SHROOM3: variants seen among roughly 807,000 people sequenced by gnomAD.
SHROOM3 encodes protein Shroom3.
A neutral mutation model predicts 138.6 loss-of-function variants in SHROOM3; 47 were observed. That is an observed-to-expected ratio of 0.34 (90% CI 0.27 to 0.43). The LOEUF (loss-of-function observed/expected upper bound fraction) is 0.43, where lower values mean the gene tolerates loss of function less well. Ranked by LOEUF, SHROOM3 falls within the 20% of genes least tolerant of loss-of-function variation. The pLI, the probability that SHROOM3 is intolerant of heterozygous loss-of-function variation, is 1.00. For missense variants in SHROOM3, 2,491 were observed against 2,596.5 expected (o/e 0.96, Z 0.88); for synonymous variants, 1,062 against 1,063.3 (o/e 1.00, Z 0.02).
At chr4:76,508,806 T>C (rs1194247959) in intron 1 of SHROOM3, among the ~76,000 whole-genome samples, 3 of 152,224 alleles carry the variant, frequency 2.0e-5, no homozygotes, top group Non-Finnish European at 4.4e-5. Flanking sequence ...ACCAAGTAAT[T>C]TGTAAACAGC....
chr4:76,721,019 A>G (rs187846781), intron 3 of SHROOM3, among the ~76,000 whole-genome samples: 74 of 152,066 alleles, frequency 4.9e-4, no homozygotes, highest in Admixed American at 4.5e-3. Flanking sequence ...TTGGAAGTGC[A>G]TTTACCCTTT....
At chr4:76,590,637 C>G (rs1041497752) in intron 2 of SHROOM3, among the ~76,000 whole-genome samples, 1 of 151,920 alleles carries the variant, frequency 6.6e-6, no homozygotes. Flanking sequence ...AGAAAAGCCC[C>G]CGCATCCTAC....
chr4:76,573,786 A>G (rs1733881611), intron 2 of SHROOM3, among the ~76,000 whole-genome samples: 1 of 152,192 alleles, frequency 6.6e-6, no homozygotes, highest in Admixed American at 6.5e-5. Context: ...TTAGCTTCAG[A>G]CAACTTAGCA....
chr4:76,709,811 C>G (rs1303727448), intron 2 of SHROOM3: 2 of 292,736 alleles, frequency 6.8e-6, no homozygotes, highest in East Asian at 1.9e-4. Context: ...CCAGTTTTTC[C>G]CTTATTACCA....
At chr4:76,713,486 G>A (rs6855102) in intron 3 of SHROOM3, among the ~76,000 whole-genome samples, 32,737 of 152,014 alleles carry the variant, frequency 0.22, 3,762 homozygotes, top group African/African-American at 0.28. Flanking sequence ...ATGGAGCTGA[G>A]CTCTCCTGGA....
intron 1 of SHROOM3, among the ~76,000 whole-genome samples, chr4:76,544,438 G>GC (rs1413942478): frequency 2.6e-5 from 1 of 38,046 alleles, no homozygotes; most frequent in African/African-American, 7.0e-5. Context: ...TTTTTTTGAT[G>GC]CAGAGTCTCA....
At chr4:76,650,580 T>C (rs999284373) in intron 2 of SHROOM3, among the ~76,000 whole-genome samples, 1 of 151,886 alleles carries the variant, frequency 6.6e-6, no homozygotes, top group Non-Finnish European at 1.5e-5. Context: ...AGTCTTGCTC[T>C]GTCACCCAGG....
chr4:76,780,494 G>A lies in SHROOM3; in HGVS notation c.*1317G>A, dbSNP rs1169524239. 1.3e-5 allele frequency: 2 copies of A among 150,214 alleles called. No homozygotes were observed. The highest frequency in any genetic ancestry group is 2.9e-5 in the Non-Finnish European group (2 of 67,834). The allele number at this position is 150,214 out of a possible 1,614,324, so 9.3% of individuals were successfully genotyped here. On this transcript the variant is annotated 3_prime_UTR_variant, in exon 11 of 11. Transcript: ENST00000296043. Reference sequence around the variant, plus strand: ...TTGATTTGGGCTTACGAGTTTCATAGTAGCCAGTCTTAGAAAATTGGGGGA... The same window carrying A: ...TTGATTTGGGCTTACGAGTTTCATAATAGCCAGTCTTAGAAAATTGGGGGA...
Position 76,757,102 on chromosome 4 carries a change from T to C in SHROOM3, c.5198+165T>C, listed in dbSNP as rs1004584024. ...GGAGGAATGGCTCTGGCAGTGAGGA[T>C]GTGGGACAGATATGCAACAACAAAG... is the stretch of plus-strand genomic sequence containing the variant. On this transcript the variant is annotated intron_variant, in intron 8 of 10. Coordinates refer to ENST00000296043, the MANE Select transcript of SHROOM3 (RefSeq NM_020859.4). 2.9e-6 allele frequency: 3 copies of C among 1,021,626 alleles called. No individual in the cohort carries two copies. In the East Asian group the frequency reaches 7.8e-5, roughly 26 times the overall value. The allele number at this position is 1,021,626 out of a possible 1,614,324, so 63.3% of individuals were successfully genotyped here. A position where few individuals can be genotyped will look rare whatever the true frequency, so the allele number is the denominator to read the frequency against.
At chr4:76,530,184 G>A (rs35132561) in intron 1 of SHROOM3, among the ~76,000 whole-genome samples, 10,747 of 152,232 alleles carry the variant, frequency 0.071, 427 homozygotes, top group East Asian at 0.2. Flanking sequence ...ATATGGAAAC[G>A]CATTTAGGAA....
chr4:76,725,558 T>A (rs1412870871), intron 3 of SHROOM3, among the ~76,000 whole-genome samples: 1 of 152,226 alleles, frequency 6.6e-6, no homozygotes, highest in Non-Finnish European at 1.5e-5. Flanking sequence ...TAAATATTTT[T>A]AAATATCAGT....
chr4:76,495,266 CT>C (rs1242532810), intron 1 of SHROOM3, among the ~76,000 whole-genome samples: 1 of 152,216 alleles, frequency 6.6e-6, no homozygotes, highest in Non-Finnish European at 1.5e-5. Context: ...CAGCTGTAAG[CT>C]GTTGTATTGG....
chr4:76,688,272 C>A, intron 2 of SHROOM3: 1 of 433,316 alleles, frequency 2.3e-6, no homozygotes, highest in Non-Finnish European at 3.1e-6. Context: ...CAGGGAGGAG[C>A]CTGTCCATGA....
rs115765750 is a variant in SHROOM3, at chr4:76,558,945, T to C, written c.323+3182T>C. ...GATTCACATCCAGAAGCAAGGGCCCTTTCCCCTCTGGGCCCCAGGGAATCA... is the reference window on the plus strand; with the variant it reads ...GATTCACATCCAGAAGCAAGGGCCCCTTCCCCTCTGGGCCCCAGGGAATCA... On this transcript the variant is annotated intron_variant, in intron 2 of 10. Transcript: ENST00000296043. Among the ~76,000 whole-genome samples the C allele has an allele frequency of 6.8e-3, 1,036 of 152,294 alleles. 6 individuals are homozygous for C. The highest frequency in any genetic ancestry group is 0.024 in the African/African-American group (984 of 41,566).
chr4:76,489,995 A>G (rs561108058), intron 1 of SHROOM3, among the ~76,000 whole-genome samples: 4 of 152,310 alleles, frequency 2.6e-5, no homozygotes, highest in Admixed American at 6.5e-5. Context: ...GGGCCTGGAT[A>G]TAGAATCTTC....
At chr4:76,490,082 A>T (rs1731818575) in intron 1 of SHROOM3, among the ~76,000 whole-genome samples, 1 of 152,202 alleles carries the variant, frequency 6.6e-6, no homozygotes, top group African/African-American at 2.4e-5. Context: ...GGTAGCATGC[A>T]ATCAGTCTGA....
chr4:76,596,632 A>G (rs1734395476), intron 2 of SHROOM3, among the ~76,000 whole-genome samples: 1 of 146,790 alleles, frequency 6.8e-6, no homozygotes, highest in Admixed American at 6.8e-5. Flanking sequence ...ACACTCTCCA[A>G]CAGATGCTGC....
At chr4:76,608,071 T>C (rs927960844) in intron 2 of SHROOM3, among the ~76,000 whole-genome samples, 2 of 152,142 alleles carry the variant, frequency 1.3e-5, no homozygotes, top group African/African-American at 4.8e-5. Flanking sequence ...TGAGGCTGAC[T>C]ACATAGGCTG....
intron 2 of SHROOM3, among the ~76,000 whole-genome samples, chr4:76,652,149 G>GCT: frequency 6.6e-6 from 1 of 152,152 alleles, no homozygotes; most frequent in African/African-American, 2.4e-5. Flanking sequence ...TTAGGCTGAG[G>GCT]CAAACTTACC....
Sources: allele counts gnomAD v4.1 joint callset (sites outside exome capture counted in the v4.1 genomes callset), GRCh38; gene constraint gnomAD v4.1.1; transcripts MANE v1.5; gene names NCBI Gene and HGNC (gene_info 2026-07-23, HGNC 2026-07-21).